TRPM1: variants seen among roughly 807,000 people sequenced by gnomAD.
The protein encoded by TRPM1 is TRPM1-203 APA Isoform, Intron 10.
Under a neutral mutation model 149.4 loss-of-function variants are expected in TRPM1, and 113 were observed. The ratio of observed to expected loss-of-function variants is 0.76; its 90% CI spans 0.65 to 0.88. The LOEUF (loss-of-function observed/expected upper bound fraction) is 0.88, where lower values mean the gene tolerates loss of function less well. TRPM1 is among the 40% of genes least tolerant of loss of function. TRPM1 has a pLI of 0.00. For synonymous variants in TRPM1, 741 were observed against 759.5 expected, an observed-to-expected ratio of 0.98 and a Z score of 0.40; for missense variants, 1,976 against 2,038.7, an observed-to-expected ratio of 0.97 and a Z score of 0.59.
intron 24 of TRPM1, among the ~76,000 whole-genome samples, chr15:31,028,729 G>A (rs974412082): frequency 6.6e-6 from 1 of 151,632 alleles, no homozygotes; most frequent in Non-Finnish European, 1.5e-5. Flanking sequence ...TCCAGCCTGG[G>A]TGACTGAGCG....
chr15:31,160,913 G>A (rs530420639), exon 1 of TRPM1: 43 of 1,535,396 alleles, frequency 2.8e-5, no homozygotes, highest in Non-Finnish European at 3.6e-5. Context: ...CACCTTCTGC[G>A]ACCCTGATGT....
At chr15:31,069,721 T>C (rs1047049266) in intron 4 of TRPM1, 2 of 1,423,360 alleles carry the variant, frequency 1.4e-6, no homozygotes, top group Non-Finnish European at 9.1e-7. Flanking sequence ...GAAAAATGAA[T>C]TTGTCTTCCT....
At chr15:31,095,767 G>A (rs1316121460) in intron 1 of TRPM1, among the ~76,000 whole-genome samples, 1 of 151,544 alleles carries the variant, frequency 6.6e-6, no homozygotes, top group Non-Finnish European at 1.5e-5. Context: ...CCAGGGGCCA[G>A]GCGCAGTGGC....
At chr15:31,096,707 G>A (rs989583559) in intron 1 of TRPM1, among the ~76,000 whole-genome samples, 2 of 152,220 alleles carry the variant, frequency 1.3e-5, no homozygotes, top group Non-Finnish European at 2.9e-5. Context: ...GGTTCCCACA[G>A]GTAGTACCCT....
At chr15:31,072,004 T>G (rs1596039838) in intron 3 of TRPM1, among the ~76,000 whole-genome samples, 1 of 53,696 alleles carries the variant, frequency 1.9e-5, no homozygotes, top group Non-Finnish European at 3.7e-5. Context: ...TATATATATA[T>G]ATATATATAT....
chr15:31,094,992 A>G (rs2035337970), intron 1 of TRPM1, among the ~76,000 whole-genome samples: 1 of 152,270 alleles, frequency 6.6e-6, no homozygotes, highest in South Asian at 2.1e-4. Context: ...ATGGATAAAC[A>G]AATTGTGGTA....
At chr15:31,026,698 TC>T (rs1260793453) in intron 26 of TRPM1, among the ~76,000 whole-genome samples, 4 of 152,232 alleles carry the variant, frequency 2.6e-5, no homozygotes, top group Non-Finnish European at 5.9e-5. Context: ...ACTTCTGGTC[TC>T]TATGAGCTGG....
At chr15:31,099,215 A>G (rs968046035) in intron 1 of TRPM1, among the ~76,000 whole-genome samples, 2 of 152,194 alleles carry the variant, frequency 1.3e-5, no homozygotes, top group African/African-American at 4.8e-5. Context: ...ATACTGACCC[A>G]TCAGATATGC....
rs774819442 is a variant in TRPM1 at position 31,067,937 on chromosome 15, G to A, written c.435C>T (p.Gly145=). The change falls in exon 5 of 28, where the codon GGC becomes GGT. Residue 145 remains glycine (G), a synonymous_variant. Coordinates refer to ENST00000256552, the MANE Select transcript of TRPM1 (RefSeq NM_001252024.2). ...CGGTGGTCATAGCAGCCTTGATCAG[G>A]CCTTTCCCAAAGACTTGTTTCAGCT... ...QPKLKQVFGK[G]LIKAAMTTGA... 1.9e-6 allele frequency: 3 copies of A among 1,614,074 alleles called. No individual in the cohort carries two copies. The highest frequency in any genetic ancestry group is 2.5e-6 in the Non-Finnish European group (3 of 1,180,022).
intron 11 of TRPM1, among the ~76,000 whole-genome samples, chr15:31,056,481 A>G (rs2034090750): frequency 6.6e-6 from 1 of 152,228 alleles, no homozygotes; most frequent in African/African-American, 2.4e-5. Context: ...TTCATCTATA[A>G]TTGAATGAAA....
intron 1 of TRPM1, among the ~76,000 whole-genome samples, chr15:31,139,578 C>T (rs1216382093): frequency 6.6e-6 from 1 of 152,144 alleles, no homozygotes; most frequent in African/African-American, 2.4e-5. Context: ...AATATTTTAT[C>T]AGAAAAAAGA....
chr15:31,035,816 T>G, intron 20 of TRPM1, 142 bp from the exon 21 acceptor site: 1 of 1,206,512 alleles, frequency 8.3e-7, no homozygotes, highest in Non-Finnish European at 1.2e-6. Context: ...AAACCTTCAC[T>G]GCACCTCACC....
intron 1 of TRPM1, among the ~76,000 whole-genome samples, chr15:31,092,133 A>T (rs558290183): frequency 1.3e-5 from 2 of 152,114 alleles, no homozygotes; most frequent in East Asian, 1.9e-4. Context: ...GGGGTGGGAC[A>T]CTGGCTTAGC....
Position 31,081,399 on chromosome 15 carries a change from A to T in TRPM1, c.-44T>A, listed in dbSNP as rs2140984088. On this transcript the variant is annotated 5_prime_UTR_variant, in exon 2 of 28. Transcript: ENST00000256552. The stretch of plus-strand genomic sequence containing the variant: ...TATAAGGAAATAGCCTCAGTCCAGC[A>T]CTGCAAGTTACTGCTGAGTCCTCAG... The T allele has an allele frequency of 1.3e-6, 2 of 1,535,160 alleles. No homozygotes were observed. Among genetic ancestry groups the T allele is most frequent in the South Asian group, 2.4e-5 (2 of 84,034 alleles).
chr15:31,043,279 T>G (rs2033673231), intron 16 of TRPM1, among the ~76,000 whole-genome samples: 1 of 152,184 alleles, frequency 6.6e-6, no homozygotes, highest in Non-Finnish European at 1.5e-5. Context: ...CTGCAAGCTC[T>G]GCCTCCCGGG....
intron 1 of TRPM1, among the ~76,000 whole-genome samples, chr15:31,130,089 T>G (rs1001826767): frequency 6.6e-6 from 1 of 152,206 alleles, no homozygotes; most frequent in African/African-American, 2.4e-5. Flanking sequence ...CAGAGCTGCC[T>G]GGGTGGTGTG....
intron 1 of TRPM1, among the ~76,000 whole-genome samples, chr15:31,119,877 G>T (rs75703574): frequency 0.024 from 3,657 of 152,222 alleles, 73 homozygotes; most frequent in Middle Eastern, 0.041. Context: ...GGTAAGAGAA[G>T]AGAGAACGTG....
At chr15:31,049,665 C>T (rs992020421) in intron 12 of TRPM1, among the ~76,000 whole-genome samples, 156 bp from the exon 13 acceptor site, 1 of 152,188 alleles carries the variant, frequency 6.6e-6, no homozygotes, top group Non-Finnish European at 1.5e-5. Flanking sequence ...AAACACTCCC[C>T]ATCTCCCCTC....
chr15:31,026,911 A>G lies in TRPM1; in HGVS notation c.3496+4T>C, dbSNP rs2032789127. ...AACTTAGAAATGAAGAGCCCTGCACATACTCAATCCACGATCCCGTTCCTC... is the reference window on the plus strand; with the variant it reads ...AACTTAGAAATGAAGAGCCCTGCACGTACTCAATCCACGATCCCGTTCCTC... On this transcript the variant is annotated splice_donor_region_variant and intron_variant, in intron 26 of 27. Transcript: ENST00000256552. 1 of 1,613,478 alleles carries G rather than the reference A, an allele frequency of 6.2e-7. No homozygotes were observed. The highest frequency in any genetic ancestry group is 8.5e-7 in the Non-Finnish European group (1 of 1,179,880).
Sources: gnomAD v4.1 joint callset for allele counts (sites outside exome capture counted in the v4.1 genomes callset) on GRCh38, gnomAD v4.1.1 for gene constraint, MANE v1.5 for transcripts, NCBI Gene and HGNC (gene_info 2026-07-23, HGNC 2026-07-21) for gene names.